The following CDC42BPA variants were observed in gnomAD, a reference collection of about 807,000 sequenced individuals.
CDC42BPA encodes CDC42 binding protein kinase alpha.
In CDC42BPA, 80 loss-of-function variants were observed where a neutral mutation model predicts 223.5. The ratio of observed to expected loss-of-function variants is 0.36; its 90% CI spans 0.30 to 0.43. The LOEUF (loss-of-function observed/expected upper bound fraction) is 0.43. CDC42BPA is among the 20% of genes least tolerant of loss of function. The pLI is 1.00. For missense variants in CDC42BPA, 1,743 were observed against 2,099.9 expected, an observed-to-expected ratio of 0.83 and a Z score of 3.32; for synonymous variants, 694 against 718.6, an observed-to-expected ratio of 0.97 and a Z score of 0.55.
intron 6 of CDC42BPA, 104 bp downstream of exon 6, chr1:227,160,439 G>T: frequency 1.3e-6 from 1 of 788,786 alleles, no homozygotes; most frequent in Non-Finnish European, 2.2e-6. Context: ...CAAATGGATG[G>T]ATGGGTAGAT....
rs758448482 is a variant in CDC42BPA at position 227,048,010 on chromosome 1, T to C, written c.3010A>G (p.Thr1004Ala). ...STSSEAEPVK[T>A]VDSTPLSVHT... ...ACTGAAAGTGGAGTGGAGTCTACAG[T>C]CTGAACCCAGGAGCAAAAAAGGAAA... Residue 1004 changes from threonine to alanine, a missense_variant and splice_region_variant, in exon 23 of 37, where the codon ACT (threonine) becomes GCT (alanine). Around this residue, in one of 6 missense-constraint regions of CDC42BPA, gnomAD observed 678 missense variants for 777.5 expected, o/e 0.87. Transcript: ENST00000366766. The C allele has an allele frequency of 1.6e-5, 25 of 1,594,396 alleles. No homozygotes were observed. The highest frequency in any genetic ancestry group is 2.1e-5 in the Non-Finnish European group (25 of 1,166,480).
chr1:227,078,136 C>T (rs1006596588), intron 17 of CDC42BPA, among the ~76,000 whole-genome samples: 3 of 152,086 alleles, frequency 2.0e-5, no homozygotes, highest in Admixed American at 2.0e-4. Context: ...TACAAAAATT[C>T]TCCAATTTGG....
chr1:227,011,318 T>C (rs992365249), intron 34 of CDC42BPA, among the ~76,000 whole-genome samples: 1 of 152,190 alleles, frequency 6.6e-6, no homozygotes, highest in African/African-American at 2.4e-5. Context: ...AATTGGACTT[T>C]CAGAGATACA....
chr1:227,191,753 C>T (rs2150133205), intron 5 of CDC42BPA, among the ~76,000 whole-genome samples: 1 of 152,212 alleles, frequency 6.6e-6, no homozygotes, highest in South Asian at 2.1e-4. Flanking sequence ...TTTTGGATTA[C>T]TGTTTAAGCC....
intron 1 of CDC42BPA, among the ~76,000 whole-genome samples, chr1:227,306,540 C>T (rs1411399117): frequency 6.6e-6 from 1 of 152,074 alleles, no homozygotes; most frequent in Non-Finnish European, 1.5e-5. Flanking sequence ...ACATTACGAA[C>T]GCATGCAACA....
At chr1:227,041,939 T>A (rs1287850940) in intron 23 of CDC42BPA, among the ~76,000 whole-genome samples, 1 of 152,234 alleles carries the variant, frequency 6.6e-6, no homozygotes, top group African/African-American at 2.4e-5. Flanking sequence ...AAGATAGATA[T>A]TATTTCCTTA....
At chr1:227,060,407 T>C (rs759679870) in intron 21 of CDC42BPA, among the ~76,000 whole-genome samples, 25 of 152,178 alleles carry the variant, frequency 1.6e-4, no homozygotes, top group Non-Finnish European at 2.6e-4. Context: ...TCACAATACG[T>C]TGGATACTAA....
intron 1 of CDC42BPA, among the ~76,000 whole-genome samples, chr1:227,283,148 C>G (rs1161607675): frequency 4.6e-5 from 7 of 152,068 alleles, no homozygotes; most frequent in Non-Finnish European, 8.8e-5. Flanking sequence ...CATCACTACT[C>G]TAAGGACCAT....
At chr1:227,226,715 G>A (rs970640355) in intron 2 of CDC42BPA, among the ~76,000 whole-genome samples, 1 of 152,174 alleles carries the variant, frequency 6.6e-6, no homozygotes, top group Non-Finnish European at 1.5e-5. Context: ...TCTAAATAGA[G>A]TCTGTTTTGA....
At chr1:227,276,834 G>A (rs1008246717) in intron 1 of CDC42BPA, among the ~76,000 whole-genome samples, 8 of 152,064 alleles carry the variant, frequency 5.3e-5, no homozygotes, top group Admixed American at 1.3e-4. Flanking sequence ...ACGGATTAAG[G>A]GTGGTGCAAG....
intron 4 of CDC42BPA, 118 bp downstream of exon 4, chr1:227,199,437 CCT>C (rs1261209130): frequency 1.6e-6 from 1 of 624,652 alleles, no homozygotes; most frequent in African/African-American, 1.9e-5. Flanking sequence ...AACAACTTAC[CCT>C]GTATGAAATG....
At chr1:227,130,520 T>C (rs1165017748) in intron 10 of CDC42BPA, among the ~76,000 whole-genome samples, 1 of 152,136 alleles carries the variant, frequency 6.6e-6, no homozygotes, top group East Asian at 1.9e-4. Context: ...TTTTAAGACA[T>C]CTAAATTGGG....
chr1:227,306,195 A>G (rs1692518493), intron 1 of CDC42BPA, among the ~76,000 whole-genome samples: 1 of 149,296 alleles, frequency 6.7e-6, no homozygotes, highest in Non-Finnish European at 1.5e-5. Flanking sequence ...TAGAATTCAC[A>G]GTATTTTCAA....
intron 23 of CDC42BPA, among the ~76,000 whole-genome samples, chr1:227,041,487 T>G (rs542298042): frequency 1.6e-4 from 24 of 152,338 alleles, no homozygotes; most frequent in African/African-American, 5.8e-4. Flanking sequence ...AAGTAGCATT[T>G]ATTTCAGTAG....
rs1203531859 is a variant in CDC42BPA, at chr1:227,042,782, A to ACTT, written c.3094-2547_3094-2546insAAG. On this transcript the variant is annotated intron_variant, in intron 23 of 36. Transcript: ENST00000366766. ...AATGAAAAGAAAAAAATCTAGTAAG[A>ACTT]AAGGTATTAAAGTATGGACTAAAAT... 2.0e-5 allele frequency among the ~76,000 whole-genome samples: 3 copies of ACTT among 152,250 alleles called. No individual in the cohort carries two copies. In the East Asian group the frequency reaches 5.8e-4, roughly 29 times the overall value.
chr1:227,228,592 T>C (rs1677267861), intron 2 of CDC42BPA, among the ~76,000 whole-genome samples: 1 of 152,236 alleles, frequency 6.6e-6, no homozygotes, highest in African/African-American at 2.4e-5. Flanking sequence ...TGTTTAACAT[T>C]TTGAGGAACT....
At chr1:227,298,927 G>GC (rs1475774895) in intron 1 of CDC42BPA, among the ~76,000 whole-genome samples, 1 of 152,138 alleles carries the variant, frequency 6.6e-6, no homozygotes, top group Non-Finnish European at 1.5e-5. Flanking sequence ...TGCTAGAATA[G>GC]AATCATATAT....
chr1:227,081,065 G>A (rs369450001), intron 16 of CDC42BPA, 48 bp from the exon 17 acceptor site: 16 of 1,598,326 alleles, frequency 1.0e-5, no homozygotes, highest in East Asian at 2.2e-5. Flanking sequence ...CCAAGAATTC[G>A]AGGTGTTCAG....
intron 5 of CDC42BPA, among the ~76,000 whole-genome samples, chr1:227,189,747 CA>C (rs1669411535): frequency 6.6e-6 from 1 of 152,210 alleles, no homozygotes; most frequent in South Asian, 2.1e-4. Context: ...TGATAGAAGA[CA>C]AACAACATAC....
Sources: gnomAD v4.1 joint callset for allele counts (sites outside exome capture counted in the v4.1 genomes callset) on GRCh38, gnomAD v4.1.1 for gene constraint, gnomAD v4.1.1 regional missense constraint, MANE v1.5 for transcripts, NCBI Gene and HGNC (gene_info 2026-07-23, HGNC 2026-07-21) for gene names.